The following RAB3C variants were observed in gnomAD, a reference collection of about 807,000 sequenced individuals.
The protein encoded by RAB3C is RAB3C, member RAS oncogene family.
RAB3C carries 17 observed loss-of-function variants against 26.4 expected under a neutral mutation model. The ratio of observed to expected loss-of-function variants is 0.64; its 90% CI spans 0.44 to 0.97. The LOEUF is 0.97. RAB3C is among the 50% of genes least tolerant of loss of function. The probability of loss-of-function intolerance (pLI) is 0.00; values close to 1 mark genes in which losing one functional copy is unlikely to be tolerated. For synonymous variants in RAB3C, 91 were observed against 95.9 expected (o/e 0.95, Z 0.30); for missense variants, 242 against 281.9 (o/e 0.86, Z 1.01).
intron 3 of RAB3C, among the ~76,000 whole-genome samples, chr5:58,740,495 C>G (rs1215871702): frequency 6.6e-6 from 1 of 152,098 alleles, no homozygotes; most frequent in Non-Finnish European, 1.5e-5. Context: ...ACTGTTATGT[C>G]AACTTGTTTG....
At chr5:58,694,694 G>A (rs1748653646) in intron 2 of RAB3C, among the ~76,000 whole-genome samples, 1 of 152,172 alleles carries the variant, frequency 6.6e-6, no homozygotes, top group African/African-American at 2.4e-5. Context: ...GTGATGATGA[G>A]CATTTTTTCA....
At chr5:58,817,675 G>A (rs192024912) in intron 3 of RAB3C, among the ~76,000 whole-genome samples, 9 of 152,270 alleles carry the variant, frequency 5.9e-5, no homozygotes, top group Admixed American at 5.2e-4. Context: ...AGCCCTGATA[G>A]CATATACAAA....
chr5:58,601,731 CTCTTTTTTTCTT>C (rs1746461949), intron 1 of RAB3C, among the ~76,000 whole-genome samples: 1 of 152,042 alleles, frequency 6.6e-6, no homozygotes, highest in Non-Finnish European at 1.5e-5. Flanking sequence ...TGGATTTTCT[CTCTTTTTTTCTT>C]GGTTAATCTT....
At chr5:58,768,553 C>T (rs1027660010) in intron 3 of RAB3C, among the ~76,000 whole-genome samples, 3 of 151,958 alleles carry the variant, frequency 2.0e-5, no homozygotes, top group Non-Finnish European at 4.4e-5. Flanking sequence ...GAGTACAGCC[C>T]AAGGACTATT....
At chr5:58,743,302 T>C (rs914489076) in intron 3 of RAB3C, among the ~76,000 whole-genome samples, 1 of 152,154 alleles carries the variant, frequency 6.6e-6, no homozygotes, top group African/African-American at 2.4e-5. Context: ...CCAGACCATA[T>C]ATTAGAGTCT....
chr5:58,624,185 G>A (rs183772625), intron 2 of RAB3C, among the ~76,000 whole-genome samples: 92 of 152,264 alleles, frequency 6.0e-4, no homozygotes, highest in African/African-American at 2.0e-3. Flanking sequence ...AGCACGCCAA[G>A]GGTCTGCCAT....
intron 2 of RAB3C, among the ~76,000 whole-genome samples, chr5:58,685,590 A>AT (rs1748429600): frequency 6.6e-6 from 1 of 152,120 alleles, no homozygotes; most frequent in Non-Finnish European, 1.5e-5. Context: ...TCCTTGGGGT[A>AT]TTTTTCAGCC....
chr5:58,757,397 T>C (rs1381481899), intron 3 of RAB3C, among the ~76,000 whole-genome samples: 1 of 152,052 alleles, frequency 6.6e-6, no homozygotes, highest in Non-Finnish European at 1.5e-5. Context: ...TTTTCTGACA[T>C]TGACTTTTTT....
chr5:58,718,632 G>A (rs774617787), intron 2 of RAB3C, among the ~76,000 whole-genome samples: 1 of 151,986 alleles, frequency 6.6e-6, no homozygotes, highest in Non-Finnish European at 1.5e-5. Flanking sequence ...AGAAAAATCT[G>A]ATCAATAAAA....
chr5:58,595,949 ATG>A (rs1404631238), intron 1 of RAB3C, among the ~76,000 whole-genome samples: 11 of 152,150 alleles, frequency 7.2e-5, no homozygotes, highest in African/African-American at 2.7e-4. Context: ...AATGTCAAGA[ATG>A]TTTGATGAGT....
At chr5:58,726,393 C>T (rs1386796060) in intron 3 of RAB3C, among the ~76,000 whole-genome samples, 5 of 151,918 alleles carry the variant, frequency 3.3e-5, no homozygotes, top group Non-Finnish European at 7.4e-5. Flanking sequence ...TAGTGCATTG[C>T]TTTTGATTTT....
At chr5:58,839,847 A>T (rs1378691826) in intron 4 of RAB3C, among the ~76,000 whole-genome samples, 1 of 151,800 alleles carries the variant, frequency 6.6e-6, no homozygotes, top group Non-Finnish European at 1.5e-5. Flanking sequence ...TTTATGTGAA[A>T]GATTTTATTT....
At chr5:58,770,089 G>T (rs975644180) in intron 3 of RAB3C, among the ~76,000 whole-genome samples, 1 of 151,968 alleles carries the variant, frequency 6.6e-6, no homozygotes, top group African/African-American at 2.4e-5. Flanking sequence ...GAATAAGGAG[G>T]GTAATTATTA....
chr5:58,739,755 A>C (rs971665758), intron 3 of RAB3C, among the ~76,000 whole-genome samples: 1 of 152,232 alleles, frequency 6.6e-6, no homozygotes, highest in Non-Finnish European at 1.5e-5. Flanking sequence ...CAGCCCAAGC[A>C]TATGTCACAG....
At chr5:58,791,683 A>G (rs1381170792) in intron 3 of RAB3C, among the ~76,000 whole-genome samples, 2 of 152,208 alleles carry the variant, frequency 1.3e-5, no homozygotes, top group Non-Finnish European at 2.9e-5. Context: ...ATAAATAAAG[A>G]TTTTGTTTAT....
intron 1 of RAB3C, among the ~76,000 whole-genome samples, chr5:58,613,346 G>A (rs772012134): frequency 7.9e-5 from 12 of 152,040 alleles, no homozygotes; most frequent in Non-Finnish European, 1.0e-4. Flanking sequence ...GGTCTCACCC[G>A]TAGATTTATA....
chr5:58,729,856 C>CACATATACATATAG (rs1561302752), intron 3 of RAB3C, among the ~76,000 whole-genome samples: 3 of 143,432 alleles, frequency 2.1e-5, no homozygotes, highest in African/African-American at 7.7e-5. Context: ...TATACATATA[C>CACATATACATATAG]TATATGTATA....
chr5:58,777,608 T>C (rs559159333), intron 3 of RAB3C, among the ~76,000 whole-genome samples: 27 of 152,006 alleles, frequency 1.8e-4, no homozygotes, highest in Middle Eastern at 3.4e-3. Flanking sequence ...TTTTTTTTTT[T>C]TTTGTACTTT....
Position 58,851,438 on chromosome 5 carries a change from G to T in RAB3C, c.*87G>T, listed in dbSNP as rs1744113150. 1.9e-6 allele frequency: 2 copies of T among 1,047,670 alleles called. No homozygotes were observed. Among genetic ancestry groups the T allele is most frequent in the Non-Finnish European group, 1.4e-6 (1 of 733,006 alleles). The allele number at this position is 1,047,670 out of a possible 1,614,324, so 64.9% of individuals were successfully genotyped here. Reference sequence around the variant, plus strand: ...TGGTCTATTAGCCTTCATTTATACTGCCTAACAATTATTTGAAGGAATAAA... The same window carrying T: ...TGGTCTATTAGCCTTCATTTATACTTCCTAACAATTATTTGAAGGAATAAA... On this transcript the variant is annotated 3_prime_UTR_variant, in exon 5 of 5. Coordinates refer to ENST00000282878, the MANE Select transcript of RAB3C (RefSeq NM_138453.4).
Sources: allele counts gnomAD v4.1 joint callset (sites outside exome capture counted in the v4.1 genomes callset), GRCh38; gene constraint gnomAD v4.1.1; transcripts MANE v1.5; gene names NCBI Gene and HGNC (gene_info 2026-07-23, HGNC 2026-07-21).